The following PCDH15 variants were observed in gnomAD, a reference collection of about 807,000 sequenced individuals.
PCDH15 encodes protocadherin-15.
A neutral mutation model predicts 178.5 loss-of-function variants in PCDH15; 129 were observed. The ratio of observed to expected loss-of-function variants is 0.72; its 90% CI spans 0.63 to 0.84. The LOEUF (loss-of-function observed/expected upper bound fraction) is 0.84. Among genes scored for constraint, PCDH15 ranks in the 40% least tolerant of loss-of-function variants. The pLI is 0.00. For missense variants in PCDH15, 2,230 were observed against 2,099.9 expected, an observed-to-expected ratio of 1.06 and a Z score of -1.21; for synonymous variants, 800 against 732.0, an observed-to-expected ratio of 1.09 and a Z score of -1.50.
At chr10:53,830,365 G>A (rs1171860737) in intron 30 of PCDH15, among the ~76,000 whole-genome samples, 5 of 151,196 alleles carry the variant, frequency 3.3e-5, no homozygotes, top group Non-Finnish European at 5.9e-5. Context: ...TCTGTAGGTA[G>A]TTTAAATGAT....
At chr10:55,174,764 T>C (rs1273510314) in intron 1 of PCDH15, among the ~76,000 whole-genome samples, 1 of 152,168 alleles carries the variant, frequency 6.6e-6, no homozygotes, top group African/African-American at 2.4e-5. Flanking sequence ...TGTCCCATCC[T>C]AGAAATCCTC....
intron 1 of PCDH15, among the ~76,000 whole-genome samples, chr10:55,303,485 C>T (rs146787494): frequency 1.3e-5 from 2 of 152,294 alleles, no homozygotes; most frequent in East Asian, 3.9e-4. Context: ...TAAAACACCA[C>T]AACCACACAG....
chr10:54,561,630 T>C (rs1249528345), intron 2 of PCDH15, among the ~76,000 whole-genome samples: 2 of 152,104 alleles, frequency 1.3e-5, no homozygotes, highest in Non-Finnish European at 2.9e-5. Flanking sequence ...GGATATTATC[T>C]CACTTCCTAG....
chr10:54,517,322 T>C (rs924366754), intron 3 of PCDH15, among the ~76,000 whole-genome samples: 6 of 152,184 alleles, frequency 3.9e-5, no homozygotes, highest in African/African-American at 1.4e-4. Context: ...ACCCATCTCA[T>C]GTGCAGAGAC....
At chr10:54,156,696 T>G (rs1056144720) in intron 13 of PCDH15, among the ~76,000 whole-genome samples, 3 of 152,178 alleles carry the variant, frequency 2.0e-5, no homozygotes, top group African/African-American at 7.2e-5. Context: ...CTCAACAGTC[T>G]TCCAAAGTCT....
At chr10:53,911,007 G>A (rs1442930214) in intron 25 of PCDH15, among the ~76,000 whole-genome samples, 1 of 152,152 alleles carries the variant, frequency 6.6e-6, no homozygotes, top group East Asian at 1.9e-4. Context: ...AGAAATATGG[G>A]ACTATGTGAA....
chr10:54,990,462 A>G (rs1041075845), intron 2 of PCDH15, among the ~76,000 whole-genome samples: 13 of 152,206 alleles, frequency 8.5e-5, no homozygotes, highest in African/African-American at 2.9e-4. Flanking sequence ...AGACTCATCT[A>G]TCTAGTTATA....
chr10:54,641,324 C>G (rs1012314173), intron 2 of PCDH15, among the ~76,000 whole-genome samples: 3 of 152,094 alleles, frequency 2.0e-5, no homozygotes, highest in African/African-American at 7.2e-5. Context: ...ATCTTGATCA[C>G]AATCACCACT....
intron 8 of PCDH15, among the ~76,000 whole-genome samples, chr10:54,308,646 A>C (rs1000875713): frequency 2.6e-5 from 4 of 152,044 alleles, no homozygotes; most frequent in African/African-American, 9.7e-5. Context: ...ACTTTTTAAA[A>C]AATTTACTTT....
intron 8 of PCDH15, among the ~76,000 whole-genome samples, chr10:54,258,132 T>C (rs2057056361): frequency 1.3e-5 from 2 of 152,134 alleles, no homozygotes; most frequent in Non-Finnish European, 2.9e-5. Flanking sequence ...GAGCCATTTC[T>C]GCCAGTGATG....
At chr10:54,465,272 CTT>C (rs2077443010) in intron 3 of PCDH15, among the ~76,000 whole-genome samples, 1 of 152,022 alleles carries the variant, frequency 6.6e-6, no homozygotes, top group Non-Finnish European at 1.5e-5. Flanking sequence ...CAAATACTCT[CTT>C]GTGTCTATTT....
chr10:55,322,216 A>T (rs1205879746), upstream of PCDH15, among the ~76,000 whole-genome samples: 1 of 152,190 alleles, frequency 6.6e-6, no homozygotes, highest in Non-Finnish European at 1.5e-5. Flanking sequence ...GCCTGCTACC[A>T]TGTAAGAGGT....
chr10:53,941,683 G>T (rs1398495338), intron 23 of PCDH15, among the ~76,000 whole-genome samples: 1 of 152,090 alleles, frequency 6.6e-6, no homozygotes, highest in Non-Finnish European at 1.5e-5. Flanking sequence ...ATACTAATTA[G>T]CATGATTACT....
intron 3 of PCDH15, among the ~76,000 whole-genome samples, chr10:54,408,924 G>C (rs1953073648): frequency 1.3e-5 from 2 of 152,122 alleles, no homozygotes; most frequent in East Asian, 3.9e-4. Context: ...GCTTGGCTAT[G>C]TCCCCACTAA....
intron 2 of PCDH15, among the ~76,000 whole-genome samples, chr10:55,136,698 G>A (rs997345555): frequency 1.3e-5 from 2 of 152,020 alleles, no homozygotes; most frequent in East Asian, 1.9e-4. Context: ...GCCAAATTTC[G>A]TGAAAAACTA....
intron 2 of PCDH15, among the ~76,000 whole-genome samples, chr10:54,599,282 C>A (rs1267041492): frequency 6.6e-6 from 1 of 152,072 alleles, no homozygotes; most frequent in Non-Finnish European, 1.5e-5. Context: ...GTAACCAAAA[C>A]AACATGGTAT....
chr10:54,918,564 T>C lies in PCDH15; in HGVS notation c.-79-21064A>G, dbSNP rs1043848630. On this transcript the variant is annotated intron_variant, in intron 2 of 5. Coordinates refer to the PCDH15 transcript ENST00000458638. ...TGGCTAATTTGTGGCAGCACTAACA[T>C]GAAAACTTCAGTTTCCTGATTACAC... is the stretch of plus-strand genomic sequence containing the variant. Among the ~76,000 whole-genome samples, 11 of 152,148 alleles carry C rather than the reference T, an allele frequency of 7.2e-5. 1 individual carries two copies. The highest frequency in any genetic ancestry group is 1.5e-5 in the Non-Finnish European group (1 of 68,008).
At chr10:55,230,094 TA>T (rs1246710490) in intron 1 of PCDH15, among the ~76,000 whole-genome samples, 1 of 152,040 alleles carries the variant, frequency 6.6e-6, no homozygotes, top group Non-Finnish European at 1.5e-5. Context: ...TATATGTCAG[TA>T]ATCTAAATTG....
chr10:54,388,225 C>G (rs1336305774), intron 3 of PCDH15, among the ~76,000 whole-genome samples: 2 of 152,152 alleles, frequency 1.3e-5, no homozygotes, highest in Non-Finnish European at 2.9e-5. Context: ...CGTTCATCAG[C>G]ATGAAGGGTC....
Sources: allele counts gnomAD v4.1 joint callset (sites outside exome capture counted in the v4.1 genomes callset), GRCh38; gene constraint gnomAD v4.1.1; transcripts MANE v1.5; gene names NCBI Gene and HGNC (gene_info 2026-07-23, HGNC 2026-07-21).